The following GALNT10 variants were observed in gnomAD, a reference collection of about 807,000 sequenced individuals.
The protein encoded by GALNT10 is polypeptide N-acetylgalactosaminyltransferase 10, also known as GalNAc transferase 10.
A neutral mutation model predicts 75.0 loss-of-function variants in GALNT10; 41 were observed. That is an observed-to-expected ratio of 0.55 (90% CI 0.43 to 0.71). The LOEUF (loss-of-function observed/expected upper bound fraction) is 0.71. Among genes scored for constraint, GALNT10 ranks in the 30% least tolerant of loss-of-function variants. The pLI is 0.00. For missense variants in GALNT10, 727 were observed against 818.5 expected, an observed-to-expected ratio of 0.89 and a Z score of 1.36; for synonymous variants, 302 against 313.0, an observed-to-expected ratio of 0.96 and a Z score of 0.37.
chr5:154,396,908 C>T (rs1756027931), intron 7 of GALNT10, among the ~76,000 whole-genome samples: 1 of 152,138 alleles, frequency 6.6e-6, no homozygotes, highest in Non-Finnish European at 1.5e-5. Context: ...GGGTGGATCA[C>T]TAGAGGTCAG....
chr5:154,303,585 T>C (rs1203075077), intron 3 of GALNT10, among the ~76,000 whole-genome samples: 2 of 152,184 alleles, frequency 1.3e-5, no homozygotes, highest in African/African-American at 4.8e-5. Context: ...GAAAACCTCC[T>C]AATTCATAAC....
chr5:154,258,561 A>G (rs1368441294), intron 1 of GALNT10, among the ~76,000 whole-genome samples: 2 of 152,214 alleles, frequency 1.3e-5, no homozygotes, highest in Non-Finnish European at 2.9e-5. Flanking sequence ...TCACAGATAA[A>G]TGGAGTATCC....
intron 4 of GALNT10, among the ~76,000 whole-genome samples, chr5:154,334,412 T>C (rs1326391811): frequency 6.6e-6 from 1 of 152,222 alleles, no homozygotes. Context: ...TTGAGGTGTT[T>C]TTGCACATGT....
chr5:154,231,369 CTT>C (rs903212252), intron 1 of GALNT10, among the ~76,000 whole-genome samples: 2 of 152,278 alleles, frequency 1.3e-5, no homozygotes, highest in Non-Finnish European at 1.5e-5. Flanking sequence ...CCCAACACCA[CTT>C]TTTTGGGAAA....
chr5:154,272,825 C>T (rs1033307270), intron 1 of GALNT10, among the ~76,000 whole-genome samples: 1 of 152,144 alleles, frequency 6.6e-6, no homozygotes, highest in Non-Finnish European at 1.5e-5. Context: ...GAAAGAGGCT[C>T]GGAGTGCTCT....
At chr5:154,393,218 T>C (rs763484835) in intron 7 of GALNT10, among the ~76,000 whole-genome samples, 38 of 151,940 alleles carry the variant, frequency 2.5e-4, no homozygotes, top group Admixed American at 6.6e-4. Flanking sequence ...GGACTACAGG[T>C]CTACACCACC....
At chr5:154,266,933 A>T (rs1181834387) in intron 1 of GALNT10, among the ~76,000 whole-genome samples, 2 of 152,120 alleles carry the variant, frequency 1.3e-5, no homozygotes, top group Non-Finnish European at 2.9e-5. Flanking sequence ...ATTTTAATTG[A>T]TCTCTCCTTT....
intron 9 of GALNT10, among the ~76,000 whole-genome samples, chr5:154,411,389 A>G (rs7702161): frequency 0.086 from 13,069 of 152,158 alleles, 586 homozygotes; most frequent in East Asian, 0.12. Flanking sequence ...TTCCCAGTAT[A>G]CCAGTAAAGG....
At chr5:154,296,378 G>C (rs1754272443) in intron 2 of GALNT10, among the ~76,000 whole-genome samples, 1 of 152,156 alleles carries the variant, frequency 6.6e-6, no homozygotes, top group African/African-American at 2.4e-5. Flanking sequence ...TTACAGGTAT[G>C]AGCCACCATG....
At chr5:154,361,601 A>G (rs1216405384) in intron 4 of GALNT10, among the ~76,000 whole-genome samples, 1 of 152,206 alleles carries the variant, frequency 6.6e-6, no homozygotes, top group East Asian at 1.9e-4. Context: ...GTTATTTTGT[A>G]CTGAACTGTG....
At chr5:154,413,584 C>A (rs1420608663) in intron 10 of GALNT10, among the ~76,000 whole-genome samples, 1 of 152,268 alleles carries the variant, frequency 6.6e-6, no homozygotes, top group South Asian at 2.1e-4. Flanking sequence ...GCCTCACCTG[C>A]AGGATGGGTG....
At chr5:154,272,943 C>CTGTCA (rs5872367) in intron 1 of GALNT10, among the ~76,000 whole-genome samples, 1 of 151,240 alleles carries the variant, frequency 6.6e-6, no homozygotes, top group Non-Finnish European at 1.5e-5. Flanking sequence ...GTACTCTAGA[C>CTGTCA]GGTAGGAAAT....
In GALNT10 at chr5:154,197,264, G is replaced by A. The variant is rs1774960306; in HGVS notation, c.159+6239G>A. 2.0e-5 allele frequency among the ~76,000 whole-genome samples: 3 copies of A among 152,082 alleles called. No homozygotes were observed. The South Asian group carries it at 6.2e-4, about 32-fold the overall frequency. On this transcript the variant is annotated intron_variant, in intron 1 of 11. Coordinates refer to ENST00000297107, the MANE Select transcript of GALNT10 (RefSeq NM_198321.4). The stretch of plus-strand genomic sequence containing the variant: ...TCCCCTCACAGACGTCCCGAGAACT[G>A]TCTCCCCTGCCCCCATACACACTAA...
At chr5:154,397,326 G>A (rs1440501035) in intron 7 of GALNT10, among the ~76,000 whole-genome samples, 5 of 151,852 alleles carry the variant, frequency 3.3e-5, no homozygotes, top group African/African-American at 1.2e-4. Flanking sequence ...AATAATATGA[G>A]TTTCTTTTCA....
At chr5:154,254,257 G>A (rs1216027912) in intron 1 of GALNT10, among the ~76,000 whole-genome samples, 1 of 152,122 alleles carries the variant, frequency 6.6e-6, no homozygotes, top group Non-Finnish European at 1.5e-5. Context: ...ATTTTTCTAT[G>A]TTTGCTTTGT....
intron 1 of GALNT10, among the ~76,000 whole-genome samples, chr5:154,285,334 G>A (rs1754096009): frequency 6.6e-6 from 1 of 152,104 alleles, no homozygotes; most frequent in East Asian, 1.9e-4. Flanking sequence ...ATTCTTGAAG[G>A]TGAAATAGAC....
At chr5:154,266,741 G>T (rs535027412) in intron 1 of GALNT10, among the ~76,000 whole-genome samples, 1 of 152,054 alleles carries the variant, frequency 6.6e-6, no homozygotes, top group South Asian at 2.1e-4. Context: ...TATTAGCGGG[G>T]TGTGGTGGTG....
At chr5:154,240,640 A>G (rs1023992418) in intron 1 of GALNT10, among the ~76,000 whole-genome samples, 1 of 152,238 alleles carries the variant, frequency 6.6e-6, no homozygotes, top group Non-Finnish European at 1.5e-5. Flanking sequence ...ATTGAAAACA[A>G]CCATTATATT....
At chr5:154,394,638 G>A (rs1388247859) in intron 7 of GALNT10, among the ~76,000 whole-genome samples, 2 of 152,206 alleles carry the variant, frequency 1.3e-5, no homozygotes, top group South Asian at 2.1e-4. Context: ...CAGAGGTCAG[G>A]ACCAGCCCTG....
Sources: gnomAD v4.1 joint callset for allele counts (sites outside exome capture counted in the v4.1 genomes callset) on GRCh38, gnomAD v4.1.1 for gene constraint, MANE v1.5 for transcripts, NCBI Gene and HGNC (gene_info 2026-07-23, HGNC 2026-07-21) for gene names.